Variants in ZNF804B observed in about 807,000 individuals in gnomAD.
The protein encoded by ZNF804B is zinc finger 804B.
Under a neutral mutation model 101.4 loss-of-function variants are expected in ZNF804B, and 80 were observed. The ratio of observed to expected loss-of-function variants is 0.79; its 90% CI spans 0.66 to 0.95. The LOEUF (loss-of-function observed/expected upper bound fraction) is 0.95. Ranked by LOEUF, ZNF804B falls within the 40% of genes least tolerant of loss-of-function variation. The pLI, the probability that ZNF804B is intolerant of heterozygous loss-of-function variation, is 0.00. For synonymous variants in ZNF804B, 622 were observed against 558.8 expected, an observed-to-expected ratio of 1.11 and a Z score of -1.59; for missense variants, 1,673 against 1,561.9, an observed-to-expected ratio of 1.07 and a Z score of -1.20.
At chr7:89,122,290 A>AC (rs1790418775) in intron 1 of ZNF804B, among the ~76,000 whole-genome samples, 1 of 152,214 alleles carries the variant, frequency 6.6e-6, no homozygotes, top group Non-Finnish European at 1.5e-5. Context: ...TTCACATGCT[A>AC]CATAGCTCAT....
intron 1 of ZNF804B, among the ~76,000 whole-genome samples, chr7:88,943,041 T>C (rs1584030045): frequency 1.3e-5 from 2 of 151,944 alleles, no homozygotes; most frequent in East Asian, 3.9e-4. Flanking sequence ...ATTCTACCAT[T>C]GTTATGCTTG....
intron 1 of ZNF804B, among the ~76,000 whole-genome samples, chr7:89,201,540 A>G (rs539210077): frequency 2.0e-5 from 3 of 152,124 alleles, no homozygotes; most frequent in Admixed American, 6.6e-5. Flanking sequence ...AGTCCAAGAA[A>G]GAAGTGCTGG....
chr7:89,291,062 C>G (rs1409861081), intron 2 of ZNF804B, among the ~76,000 whole-genome samples: 1 of 152,154 alleles, frequency 6.6e-6, no homozygotes, highest in Non-Finnish European at 1.5e-5. Context: ...CTGCAAGAAC[C>G]ACAGTGTTAC....
At chr7:88,926,322 C>T (rs892108054) in intron 1 of ZNF804B, among the ~76,000 whole-genome samples, 10 of 151,890 alleles carry the variant, frequency 6.6e-5, no homozygotes, top group African/African-American at 2.4e-4. Flanking sequence ...TGTGGTGGCT[C>T]ATGCCTGTAA....
Position 89,086,135 on chromosome 7 carries a change from T to TTTTA in ZNF804B, c.109-132003_109-132000dup, listed in dbSNP as rs532745843. Among the ~76,000 whole-genome samples, 495 of 152,066 alleles carry TTTTA rather than the reference T, an allele frequency of 3.3e-3. 1 individual carries two copies. The highest frequency in any genetic ancestry group is 0.011 in the African/African-American group (474 of 41,518). On this transcript the variant is annotated intron_variant, in intron 1 of 3. Transcript: ENST00000333190. ...TTTCTATTCTGCTTACCTGCTGTGA[T>TTTTA]TTTATTTATTTATTTATTTAATTTA...
chr7:89,295,407 T>A lies in ZNF804B; in HGVS notation c.250-31937T>A, dbSNP rs78652664. 4.6e-5 allele frequency among the ~76,000 whole-genome samples: 7 copies of A among 152,252 alleles called. No individual in the cohort carries two copies. In the East Asian group the frequency reaches 1.4e-3, roughly 29 times the overall value. ...GACTCTTACTTTGCATATTCCCTGG[T>A]AATTTTTCTCACCATGAAGACCATC... is the stretch of plus-strand genomic sequence containing the variant. On this transcript the variant is annotated intron_variant, in intron 2 of 3. Transcript: ENST00000333190.
At position 89,000,525 on chromosome 7, in the gene ZNF804B, G is replaced by A. The variant is rs201374906; in HGVS notation, c.109-217630G>A. 1.4e-4 allele frequency among the ~76,000 whole-genome samples: 21 copies of A among 151,894 alleles called. No individual in the cohort carries two copies. The East Asian group carries it at 1.9e-3, about 14-fold the overall frequency. On this transcript the variant is annotated intron_variant, in intron 1 of 3. Transcript: ENST00000333190. ...TGATGATTTGATATACATATATTTC[G>A]TGAATTAATCAAATTAGTTTACATG...
Position 89,131,687 on chromosome 7 carries a change from C to A in ZNF804B, c.109-86468C>A, listed in dbSNP as rs1432091378. ...TGTGTGATTCTTAAGAAAATTGTCT[C>A]CTTAGGAAATTGTGTTCTCAAAATG... On this transcript the variant is annotated intron_variant, in intron 1 of 3. Transcript: ENST00000333190. Among the ~76,000 whole-genome samples, 3 of 151,918 alleles carry A rather than the reference C, an allele frequency of 2.0e-5. 1 individual carries two copies. Among genetic ancestry groups the A allele is most frequent in the Admixed American group, 2.0e-4 (3 of 15,230 alleles).
intron 1 of ZNF804B, among the ~76,000 whole-genome samples, chr7:88,935,534 T>G (rs968533033): frequency 7.3e-6 from 1 of 136,076 alleles, no homozygotes; most frequent in African/African-American, 2.6e-5. Context: ...TTTTTATTAA[T>G]TTTTTTTTAA....
intron 1 of ZNF804B, among the ~76,000 whole-genome samples, chr7:89,184,758 C>A (rs1788350545): frequency 6.6e-6 from 1 of 152,074 alleles, no homozygotes; most frequent in Non-Finnish European, 1.5e-5. Context: ...TTTGGAACAA[C>A]CCACAAGTTA....
chr7:89,020,544 T>G (rs2116213777), intron 1 of ZNF804B, among the ~76,000 whole-genome samples: 1 of 152,208 alleles, frequency 6.6e-6, no homozygotes, highest in African/African-American at 2.4e-5. Context: ...TCAGAGAGGG[T>G]CTGTTTGGCT....
intron 1 of ZNF804B, among the ~76,000 whole-genome samples, chr7:89,072,675 G>A (rs1789559436): frequency 6.6e-6 from 1 of 152,114 alleles, no homozygotes; most frequent in Admixed American, 6.6e-5. Context: ...ATTCAGGAGA[G>A]TGACATGAGA....
intron 1 of ZNF804B, among the ~76,000 whole-genome samples, chr7:88,893,030 G>A (rs1272179967): frequency 1.3e-5 from 2 of 152,088 alleles, no homozygotes; most frequent in African/African-American, 4.8e-5. Flanking sequence ...GTGGGGGCTT[G>A]TATGGGGTTT....
chr7:89,001,749 T>G (rs1181724007), intron 1 of ZNF804B, among the ~76,000 whole-genome samples: 1 of 151,916 alleles, frequency 6.6e-6, no homozygotes, highest in Non-Finnish European at 1.5e-5. Context: ...TACACTGTTA[T>G]GTCAGATAAT....
At position 89,155,702 on chromosome 7, in the gene ZNF804B, C is replaced by G. The variant is rs946263054; in HGVS notation, c.109-62453C>G. Among the ~76,000 whole-genome samples, 4 of 152,278 alleles carry G rather than the reference C, an allele frequency of 2.6e-5. No individual in the cohort carries two copies. In the South Asian group the frequency reaches 6.2e-4, roughly 24 times the overall value. ...GAACTTCAAGCACCCTGAATTCTTACCAGTTTTCGGAAGATAACAAACTCT... is the reference window on the plus strand; with the variant it reads ...GAACTTCAAGCACCCTGAATTCTTAGCAGTTTTCGGAAGATAACAAACTCT... On this transcript the variant is annotated intron_variant, in intron 1 of 3. Transcript: ENST00000333190.
At chr7:89,008,812 C>G (rs1314750513) in intron 1 of ZNF804B, among the ~76,000 whole-genome samples, 3 of 152,174 alleles carry the variant, frequency 2.0e-5, no homozygotes, top group Non-Finnish European at 2.9e-5. Context: ...GACCCTTACA[C>G]TCTATCTGCT....
At chr7:88,931,604 A>G (rs1482222228) in intron 1 of ZNF804B, among the ~76,000 whole-genome samples, 1 of 151,876 alleles carries the variant, frequency 6.6e-6, no homozygotes, top group African/African-American at 2.4e-5. Context: ...TGGCATAAAC[A>G]TCTTAACGGC....
At chr7:89,321,460 C>T (rs1456299687) in intron 2 of ZNF804B, among the ~76,000 whole-genome samples, 1 of 152,058 alleles carries the variant, frequency 6.6e-6, no homozygotes, top group Non-Finnish European at 1.5e-5. Context: ...GCTTGGGCAA[C>T]AGAGCGAGAC....
At chr7:88,776,325 T>G (rs1762204102) in intron 1 of ZNF804B, among the ~76,000 whole-genome samples, 1 of 152,192 alleles carries the variant, frequency 6.6e-6, no homozygotes, top group Admixed American at 6.5e-5. Context: ...TTGTTGCTCT[T>G]CTGGATGGCC....
Sources: allele counts gnomAD v4.1 joint callset (sites outside exome capture counted in the v4.1 genomes callset), GRCh38; gene constraint gnomAD v4.1.1; transcripts MANE v1.5; gene names NCBI Gene and HGNC (gene_info 2026-07-23, HGNC 2026-07-21).